The following GRM5 variants were observed in gnomAD, a reference collection of about 807,000 sequenced individuals.
GRM5 encodes metabotropic glutamate receptor 5.
A neutral mutation model predicts 83.1 loss-of-function variants in GRM5; 19 were observed. The ratio of observed to expected loss-of-function variants is 0.23; its 90% confidence interval spans 0.16 to 0.34. The LOEUF (loss-of-function observed/expected upper bound fraction) is 0.34. GRM5 is among the 10% of genes least tolerant of loss of function. The pLI is 1.00. For synonymous variants in GRM5, 675 were observed against 633.6 expected, an observed-to-expected ratio of 1.07 and a Z score of -0.98; for missense variants, 1,160 against 1,588.3, an observed-to-expected ratio of 0.73 and a Z score of 4.58.
chr11:88,840,266 G>T (rs951526031), intron 3 of GRM5, among the ~76,000 whole-genome samples: 1 of 152,044 alleles, frequency 6.6e-6, no homozygotes, highest in African/African-American at 2.4e-5. Context: ...GAAGTCAAAA[G>T]CAGTCTTGAA....
chr11:88,945,336 T>C (rs1417660180), intron 2 of GRM5, among the ~76,000 whole-genome samples: 1 of 152,112 alleles, frequency 6.6e-6, no homozygotes, highest in Non-Finnish European at 1.5e-5. Flanking sequence ...ATCTATAGAT[T>C]CAATGTTACT....
intron 3 of GRM5, among the ~76,000 whole-genome samples, chr11:88,834,305 A>ATT (rs77368357): frequency 6.6e-6 from 1 of 152,108 alleles, no homozygotes; most frequent in African/African-American, 2.4e-5. Flanking sequence ...ATTGCCAAAT[A>ATT]TTTTTTTAAA....
chr11:88,789,911 G>C (rs1943141993), intron 3 of GRM5, among the ~76,000 whole-genome samples: 1 of 152,072 alleles, frequency 6.6e-6, no homozygotes, highest in Admixed American at 6.6e-5. Context: ...CTGGAGGGCA[G>C]TGGCGCAATC....
intron 8 of GRM5, among the ~76,000 whole-genome samples, chr11:88,543,299 C>A (rs2135134946): frequency 6.6e-6 from 1 of 152,268 alleles, no homozygotes; most frequent in South Asian, 2.1e-4. Context: ...CCTTGTAGAG[C>A]TGACCGTTTA....
At chr11:88,923,094 T>C (rs1489168185) in intron 2 of GRM5, among the ~76,000 whole-genome samples, 1 of 151,962 alleles carries the variant, frequency 6.6e-6, no homozygotes, top group African/African-American at 2.4e-5. Context: ...GGCAAGTATA[T>C]AAAAGACTGG....
intron 3 of GRM5, among the ~76,000 whole-genome samples, chr11:88,657,754 G>C (rs981606017): frequency 2.0e-5 from 3 of 151,412 alleles, no homozygotes; most frequent in African/African-American, 7.3e-5. Context: ...TTTTTTCCTA[G>C]GTCTCTATAA....
At chr11:88,851,942 A>G (rs1210036685) in intron 2 of GRM5, among the ~76,000 whole-genome samples, 1 of 152,210 alleles carries the variant, frequency 6.6e-6, no homozygotes, top group Non-Finnish European at 1.5e-5. Flanking sequence ...CAAAGGGCCT[A>G]AATTACCAGT....
intron 2 of GRM5, among the ~76,000 whole-genome samples, chr11:88,987,225 TC>T (rs2135036721): frequency 6.6e-6 from 1 of 152,152 alleles, no homozygotes; most frequent in South Asian, 2.1e-4. Context: ...GATTTCCCTT[TC>T]CTAGTCAAAG....
intron 8 of GRM5, among the ~76,000 whole-genome samples, chr11:88,549,623 T>C (rs1942459710): frequency 6.6e-6 from 1 of 152,002 alleles, no homozygotes; most frequent in Admixed American, 6.6e-5. Flanking sequence ...TATATAGCCA[T>C]ACTATATGGC....
intron 2 of GRM5, among the ~76,000 whole-genome samples, chr11:88,925,363 C>A (rs1945771525): frequency 1.3e-5 from 2 of 151,832 alleles, no homozygotes; most frequent in Non-Finnish European, 2.9e-5. Flanking sequence ...GCTTCATCTC[C>A]CAAAGTCCCA....
chr11:88,911,537 T>C (rs1467131957), intron 2 of GRM5, among the ~76,000 whole-genome samples: 3 of 152,196 alleles, frequency 2.0e-5, no homozygotes, highest in Admixed American at 1.3e-4. Flanking sequence ...TGATGGGTAG[T>C]ATATTTAATT....
At chr11:88,596,000 T>C (rs1937793062) in intron 6 of GRM5, among the ~76,000 whole-genome samples, 1 of 131,704 alleles carries the variant, frequency 7.6e-6, no homozygotes, top group Admixed American at 8.0e-5. Flanking sequence ...CTTAGCTTTA[T>C]TTTTCATTGC....
chr11:88,807,976 G>A (rs1943524996), intron 3 of GRM5, among the ~76,000 whole-genome samples: 1 of 151,808 alleles, frequency 6.6e-6, no homozygotes, highest in Non-Finnish European at 1.5e-5. Flanking sequence ...AGGCATATTA[G>A]ACATTTTATA....
At chr11:89,026,587 C>T (rs928121913) in intron 2 of GRM5, among the ~76,000 whole-genome samples, 3 of 151,910 alleles carry the variant, frequency 2.0e-5, no homozygotes, top group African/African-American at 7.3e-5. Flanking sequence ...TCCTTGGTTC[C>T]TATAAAAGAC....
chr11:88,644,621 C>A (rs1340963655), intron 4 of GRM5, among the ~76,000 whole-genome samples: 1 of 152,140 alleles, frequency 6.6e-6, no homozygotes, highest in Admixed American at 6.6e-5. Flanking sequence ...AAACTACTTT[C>A]TGTGTGGCAA....
intron 3 of GRM5, among the ~76,000 whole-genome samples, chr11:88,691,423 C>T (rs1940778072): frequency 6.6e-6 from 1 of 152,134 alleles, no homozygotes; most frequent in African/African-American, 2.4e-5. Context: ...AAGTGACCTT[C>T]TTATTAAAAG....
intron 1 of GRM5, among the ~76,000 whole-genome samples, chr11:89,059,951 A>G (rs916230332): frequency 2.0e-5 from 3 of 151,960 alleles, no homozygotes; most frequent in African/African-American, 7.3e-5. Flanking sequence ...CCATCCCCCA[A>G]TTTGAAAATA....
intron 2 of GRM5, among the ~76,000 whole-genome samples, chr11:88,963,717 C>T (rs542193506): frequency 6.6e-6 from 1 of 152,246 alleles, no homozygotes; most frequent in African/African-American, 2.4e-5. Context: ...TGGTATGTGA[C>T]CCTTTATTCT....
intron 3 of GRM5, among the ~76,000 whole-genome samples, chr11:88,695,897 C>T (rs1397019545): frequency 6.6e-6 from 1 of 152,266 alleles, no homozygotes; most frequent in South Asian, 2.1e-4. Flanking sequence ...GTGTTTGCAG[C>T]GCCAGAAACC....
Sources: allele counts gnomAD v4.1 joint callset (sites outside exome capture counted in the v4.1 genomes callset), GRCh38; gene constraint gnomAD v4.1.1; transcripts MANE v1.5; gene names NCBI Gene and HGNC (gene_info 2026-07-23, HGNC 2026-07-21).